The following SLC14A2 variants were observed in gnomAD, a reference collection of about 807,000 sequenced individuals.
SLC14A2 encodes solute carrier family 14 member 2, also known as urea transporter 2.
A neutral mutation model predicts 104.6 loss-of-function variants in SLC14A2; 91 were observed. That is an observed-to-expected ratio of 0.87 (90% CI 0.73 to 1.04). The LOEUF is 1.04. SLC14A2 is among the 50% of genes least tolerant of loss of function. SLC14A2 has a pLI of 0.00. For synonymous variants in SLC14A2, 476 were observed against 466.4 expected, an observed-to-expected ratio of 1.02 and a Z score of -0.27; for missense variants, 1,189 against 1,156.0, an observed-to-expected ratio of 1.03 and a Z score of -0.41.
At chr18:45,450,541 T>C (rs1483546073) in intron 1 of SLC14A2, among the ~76,000 whole-genome samples, 1 of 152,170 alleles carries the variant, frequency 6.6e-6, no homozygotes, top group Admixed American at 6.5e-5. Flanking sequence ...CAAATACAGA[T>C]TAGTGAACAG....
chr18:45,576,293 T>TTTTTG (rs2044417768), intron 2 of SLC14A2, among the ~76,000 whole-genome samples: 1 of 141,444 alleles, frequency 7.1e-6, no homozygotes. Flanking sequence ...TTTTTTTTTT[T>TTTTTG]GAGATGGAGT....
intron 1 of SLC14A2, among the ~76,000 whole-genome samples, chr18:45,479,695 G>A (rs1422385042): frequency 6.6e-6 from 1 of 152,026 alleles, no homozygotes; most frequent in African/African-American, 2.4e-5. Flanking sequence ...GTTTCTCTTT[G>A]TCTTACTTCT....
intron 1 of SLC14A2, among the ~76,000 whole-genome samples, chr18:45,449,034 G>T (rs750248384): frequency 6.6e-6 from 1 of 152,184 alleles, no homozygotes; most frequent in Admixed American, 6.5e-5. Flanking sequence ...CAGCCAGCAG[G>T]TGGCCATCCC....
chr18:45,322,820 T>C (rs1488894531), intron 1 of SLC14A2, among the ~76,000 whole-genome samples: 1 of 152,172 alleles, frequency 6.6e-6, no homozygotes, highest in Non-Finnish European at 1.5e-5. Context: ...GCACTTTTTT[T>C]TCACTTTATC....
At chr18:45,614,154 G>T (rs549998258), upstream of SLC14A2, among the ~76,000 whole-genome samples, 1 of 152,336 alleles carries the variant, frequency 6.6e-6, no homozygotes, top group South Asian at 2.1e-4. Context: ...TACAGTTCAG[G>T]CCATTGCTTC....
At chr18:45,515,323 G>A (rs1044215296) in intron 2 of SLC14A2, 1 of 152,226 alleles carries the variant, frequency 6.6e-6, no homozygotes, top group Admixed American at 6.5e-5. Flanking sequence ...TATAGAGAGT[G>A]TAGACAGTGT....
intron 7 of SLC14A2, among the ~76,000 whole-genome samples, chr18:45,640,466 C>T (rs1353586731): frequency 6.6e-6 from 1 of 152,086 alleles, no homozygotes; most frequent in East Asian, 1.9e-4. Flanking sequence ...GAAAATTGTT[C>T]TCAAACATTG....
intron 11 of SLC14A2, among the ~76,000 whole-genome samples, chr18:45,665,528 A>G (rs1031852107): frequency 6.6e-6 from 1 of 152,064 alleles, no homozygotes; most frequent in African/African-American, 2.4e-5. Flanking sequence ...CTACTACAAT[A>G]CCTTAAAAAA....
At chr18:45,474,958 A>T (rs2087329887) in intron 1 of SLC14A2, among the ~76,000 whole-genome samples, 1 of 151,768 alleles carries the variant, frequency 6.6e-6, no homozygotes, top group South Asian at 2.1e-4. Flanking sequence ...TAGTTCTTTT[A>T]ATTGTGATGT....
intron 2 of SLC14A2, among the ~76,000 whole-genome samples, chr18:45,541,432 T>C (rs2043882114): frequency 6.6e-6 from 1 of 152,178 alleles, no homozygotes; most frequent in Non-Finnish European, 1.5e-5. Context: ...CATTCATCTG[T>C]CTCCAAAGAA....
At chr18:45,488,038 G>T (rs1029242953) in intron 2 of SLC14A2, among the ~76,000 whole-genome samples, 1 of 152,162 alleles carries the variant, frequency 6.6e-6, no homozygotes, top group African/African-American at 2.4e-5. Flanking sequence ...TAAAAGGTCA[G>T]CTGTGGTCTG....
At chr18:45,380,275 G>T (rs1347447812) in intron 1 of SLC14A2, among the ~76,000 whole-genome samples, 5 of 152,150 alleles carry the variant, frequency 3.3e-5, no homozygotes, top group Non-Finnish European at 7.3e-5. Context: ...AATTGTCAAT[G>T]CCCACTAGCC....
chr18:45,311,012 G>T (rs368908952), intron 1 of SLC14A2, among the ~76,000 whole-genome samples: 3 of 152,216 alleles, frequency 2.0e-5, no homozygotes, highest in African/African-American at 7.2e-5. Context: ...TCTGCTGTGT[G>T]CCTGCCAGCT....
rs1324610382 is a variant in SLC14A2 at position 45,467,819 on chromosome 18, A to G, written c.-124-15414A>G. Among the ~76,000 whole-genome samples, 4 of 152,316 alleles carry G rather than the reference A, an allele frequency of 2.6e-5. No individual in the cohort carries two copies. In the South Asian group the frequency reaches 6.2e-4, roughly 24 times the overall value. On this transcript the variant is annotated intron_variant, in intron 1 of 20. Transcript: ENST00000586448. ...AGACAAATTAAAAAGTGATACATAT[A>G]ACGTAGAGAACAAAAAAAACACACT...
exon 2 of SLC14A2, chr18:45,483,240 T>C (rs2087531510): frequency 6.6e-6 from 1 of 152,218 alleles, no homozygotes; most frequent in Non-Finnish European, 1.5e-5. Flanking sequence ...CAGGATTGTT[T>C]CTTGCTTACT....
chr18:45,254,265 ATGTCC>A (rs1336116024), intron 1 of SLC14A2, among the ~76,000 whole-genome samples: 1 of 152,200 alleles, frequency 6.6e-6, no homozygotes, highest in Non-Finnish European at 1.5e-5. Flanking sequence ...GTAAATTGTC[ATGTCC>A]TGTATTTGGT....
intron 1 of SLC14A2, among the ~76,000 whole-genome samples, chr18:45,621,415 C>T (rs1285812716): frequency 3.3e-5 from 5 of 152,182 alleles, no homozygotes; most frequent in Admixed American, 1.3e-4. Context: ...GGAATGAGAA[C>T]GGTGCTAGAC....
chr18:45,261,843 T>C (rs2144100413), intron 1 of SLC14A2, among the ~76,000 whole-genome samples: 1 of 152,334 alleles, frequency 6.6e-6, no homozygotes, highest in African/African-American at 2.4e-5. Context: ...GTCTTTGCTA[T>C]TGTGAATAGT....
intron 1 of SLC14A2, among the ~76,000 whole-genome samples, chr18:45,468,064 A>G (rs1319294691): frequency 6.6e-6 from 1 of 152,172 alleles, no homozygotes; most frequent in Non-Finnish European, 1.5e-5. Context: ...CAGCAGGATC[A>G]AGAACCTTGG....
Sources: gnomAD v4.1 joint callset for allele counts (sites outside exome capture counted in the v4.1 genomes callset) on GRCh38, gnomAD v4.1.1 for gene constraint, MANE v1.5 for transcripts, NCBI Gene and HGNC (gene_info 2026-07-23, HGNC 2026-07-21) for gene names.